The following CACHD1 variants were observed in gnomAD, a reference collection of about 807,000 sequenced individuals.
CACHD1 encodes cache domain containing 1.
A neutral mutation model predicts 138.7 loss-of-function variants in CACHD1; 71 were observed. That is an observed-to-expected ratio of 0.51 (90% CI 0.42 to 0.62). The LOEUF (loss-of-function observed/expected upper bound fraction) is 0.62, where lower values mean the gene tolerates loss of function less well. Among genes scored for constraint, CACHD1 ranks in the 20% least tolerant of loss-of-function variants. CACHD1 has a pLI of 0.00. For missense variants in CACHD1, 1,389 were observed against 1,625.3 expected (o/e 0.85, Z 2.50); for synonymous variants, 578 against 591.5 (o/e 0.98, Z 0.33).
intron 11 of CACHD1, 29 bp downstream of exon 11, chr1:64,653,910 G>T (rs780545310): frequency 3.1e-5 from 49 of 1,604,152 alleles, no homozygotes; most frequent in Admixed American, 6.7e-5. Flanking sequence ...TCATAGGATT[G>T]TTTTTCCCTG....
chr1:64,686,296 A>C (rs61091191), intron 26 of CACHD1, among the ~76,000 whole-genome samples: 2,673 of 152,340 alleles, frequency 0.018, 71 homozygotes, highest in African/African-American at 0.061. Context: ...TCATGGTATG[A>C]GTTCAGAGTT....
At chr1:64,536,117 T>C (rs1035895824) in intron 1 of CACHD1, among the ~76,000 whole-genome samples, 2 of 152,256 alleles carry the variant, frequency 1.3e-5, no homozygotes, top group Admixed American at 6.5e-5. Flanking sequence ...TTTCTAGTTA[T>C]GCAATGATCA....
chr1:64,588,051 C>G (rs184970012), intron 3 of CACHD1, among the ~76,000 whole-genome samples: 1 of 152,174 alleles, frequency 6.6e-6, no homozygotes, highest in African/African-American at 2.4e-5. Flanking sequence ...AGCAGCTCCC[C>G]TTTCAGGACA....
At chr1:64,560,749 A>G (rs141812962) in intron 2 of CACHD1, among the ~76,000 whole-genome samples, 47 of 151,872 alleles carry the variant, frequency 3.1e-4, no homozygotes, top group Non-Finnish European at 4.9e-4. Context: ...GCTGATTTTT[A>G]TTTTGTTTGA....
intron 9 of CACHD1, among the ~76,000 whole-genome samples, chr1:64,651,817 T>C (rs547526206): frequency 6.6e-6 from 1 of 152,336 alleles, no homozygotes; most frequent in East Asian, 1.9e-4. Flanking sequence ...ATCTAACTGC[T>C]TCACAAAATA....
intron 16 of CACHD1, among the ~76,000 whole-genome samples, chr1:64,670,564 TA>T (rs1649779534): frequency 1.3e-5 from 2 of 152,140 alleles, no homozygotes; most frequent in African/African-American, 4.8e-5. Flanking sequence ...GAGCATAGAT[TA>T]AAAACAGCCA....
intron 8 of CACHD1, among the ~76,000 whole-genome samples, chr1:64,644,576 A>G (rs1158731820): frequency 6.6e-6 from 1 of 152,184 alleles, no homozygotes; most frequent in Non-Finnish European, 1.5e-5. Context: ...TGTTACAGTA[A>G]TTCCGTACTT....
At chr1:64,619,415 A>G (rs1570422950) in intron 4 of CACHD1, among the ~76,000 whole-genome samples, 1 of 152,206 alleles carries the variant, frequency 6.6e-6, no homozygotes, top group East Asian at 1.9e-4. Flanking sequence ...TAGTAACTCT[A>G]AGAAGTAGTC....
Position 64,529,516 on chromosome 1 carries a change from C to T in CACHD1, c.199-21078C>T, listed in dbSNP as rs189938521. ...AGAATCATCATCTTCTTCTAGTCTT[C>T]CAGTTCTCTTTTTTGGTTTATTACA... is the stretch of plus-strand genomic sequence containing the variant. On this transcript the variant is annotated intron_variant, in intron 1 of 26. Coordinates refer to ENST00000651257, the MANE Select transcript of CACHD1 (RefSeq NM_020925.4). Among the ~76,000 whole-genome samples, 94 of 152,296 alleles carry T rather than the reference C, an allele frequency of 6.2e-4. No homozygotes were observed. In the Middle Eastern group the frequency reaches 0.014, roughly 22 times the overall value.
intron 1 of CACHD1, among the ~76,000 whole-genome samples, chr1:64,483,999 C>T (rs904037482): frequency 6.6e-6 from 1 of 152,060 alleles, no homozygotes; most frequent in African/African-American, 2.4e-5. Context: ...GAAACAGCAC[C>T]GTCCCTTGCC....
intron 6 of CACHD1, among the ~76,000 whole-genome samples, chr1:64,633,458 G>A (rs1036119765): frequency 6.6e-6 from 1 of 152,124 alleles, no homozygotes; most frequent in African/African-American, 2.4e-5. Flanking sequence ...GGAGGAGAGG[G>A]GTGGGAGATT....
chr1:64,546,295 G>A (rs1377419352), intron 1 of CACHD1, among the ~76,000 whole-genome samples: 2 of 151,922 alleles, frequency 1.3e-5, no homozygotes, highest in Non-Finnish European at 2.9e-5. Flanking sequence ...GATCAGACCT[G>A]TCATGATGGC....
intron 12 of CACHD1, 71 bp from the exon 13 acceptor site, chr1:64,658,634 A>T: frequency 8.8e-7 from 1 of 1,137,886 alleles, no homozygotes; most frequent in Non-Finnish European, 1.2e-6. Flanking sequence ...GTAGAAAATA[A>T]TGTATGCAAA....
intron 2 of CACHD1, among the ~76,000 whole-genome samples, chr1:64,565,904 A>G (rs58018714): frequency 6.6e-6 from 1 of 152,158 alleles, no homozygotes; most frequent in Non-Finnish European, 1.5e-5. Context: ...TTCTTTATTT[A>G]TATTGTACTG....
chr1:64,500,149 A>T (rs949084327), intron 1 of CACHD1, among the ~76,000 whole-genome samples: 1 of 152,192 alleles, frequency 6.6e-6, no homozygotes, highest in Non-Finnish European at 1.5e-5. Flanking sequence ...ACCCTCATTC[A>T]TGTAGGCTTT....
chr1:64,686,443 C>T lies in CACHD1; in HGVS notation c.3586+4337C>T, dbSNP rs115017900. ...AAGAATCTAATTTTAATTGTTGTATCTTAAGAAAAACTACTCCAATTGAGA... is the reference window on the plus strand; with the variant it reads ...AAGAATCTAATTTTAATTGTTGTATTTTAAGAAAAACTACTCCAATTGAGA... On this transcript the variant is annotated intron_variant, in intron 26 of 26. Transcript: ENST00000651257. Among the ~76,000 whole-genome samples, 996 of 152,194 alleles carry T rather than the reference C, an allele frequency of 6.5e-3. 13 individuals are homozygous for T. Among genetic ancestry groups the T allele is most frequent in the African/African-American group, 0.022 (929 of 41,520 alleles).
At chr1:64,486,626 T>C (rs1274439510) in intron 1 of CACHD1, among the ~76,000 whole-genome samples, 5 of 152,180 alleles carry the variant, frequency 3.3e-5, no homozygotes, top group Non-Finnish European at 7.3e-5. Context: ...CAGTTCTTGT[T>C]TTCAGCTAAA....
chr1:64,528,277 T>C (rs558840351), intron 1 of CACHD1, among the ~76,000 whole-genome samples: 2 of 152,210 alleles, frequency 1.3e-5, no homozygotes, highest in Non-Finnish European at 2.9e-5. Flanking sequence ...GAGGAATAGG[T>C]TGACATTTAG....
At chr1:64,611,956 G>T (rs1043549938) in intron 4 of CACHD1, among the ~76,000 whole-genome samples, 2 of 152,164 alleles carry the variant, frequency 1.3e-5, no homozygotes, top group Non-Finnish European at 2.9e-5. Context: ...TGGAGGCCTC[G>T]GGAAACTTGT....
Sources: allele counts gnomAD v4.1 joint callset (sites outside exome capture counted in the v4.1 genomes callset), GRCh38; gene constraint gnomAD v4.1.1; transcripts MANE v1.5; gene names NCBI Gene and HGNC (gene_info 2026-07-23, HGNC 2026-07-21).